NRROS: variants seen among roughly 807,000 people sequenced by gnomAD.
NRROS encodes the protein negative regulator of reactive oxygen species.
Under a neutral mutation model 12.0 loss-of-function variants are expected in NRROS, and 6 were observed. That is an observed-to-expected ratio of 0.50 (90% confidence interval 0.27 to 0.98). The LOEUF (loss-of-function observed/expected upper bound fraction) is 0.98. Ranked by LOEUF, NRROS falls within the 50% of genes least tolerant of loss-of-function variation. The pLI is 0.11. For missense variants in NRROS, 857 were observed against 888.2 expected, an observed-to-expected ratio of 0.96 and a Z score of 0.45; for synonymous variants, 462 against 410.2, an observed-to-expected ratio of 1.13 and a Z score of -1.53.
intron 1 of NRROS, among the ~76,000 whole-genome samples, chr3:196,646,212 C>T (rs984585937): frequency 1.3e-5 from 2 of 152,154 alleles, no homozygotes; most frequent in African/African-American, 4.8e-5. Context: ...GCCTCCTTCC[C>T]CAGCCCAGGG....
chr3:196,660,697 C>T lies in NRROS; in HGVS notation c.1054C>T (p.Pro352Ser), dbSNP rs753264421. The T allele has an allele frequency of 6.2e-7, 1 of 1,614,020 alleles. No homozygotes were observed. Among genetic ancestry groups the T allele is most frequent in the East Asian group, 2.2e-5 (1 of 44,900 alleles). ...GCCAGACGGCTTCCTGAGGAAAATG[C>T]CTTCCCTCTCCCACCTGAACCTCCA... ...YLPDGFLRKM[P>S]SLSHLNLHQN... The change falls in exon 3 of 3, where the codon CCT becomes TCT. Residue 352 changes from proline (P) to serine (S), a missense_variant. By Grantham distance (74) the Pro-to-Ser change is moderately conservative. Transcript: ENST00000328557. The surrounding 1 kb of genome is among the most constrained non-coding windows in gnomAD (Gnocchi z 7.7).
At chr3:196,650,811 G>A (rs551298263) in intron 1 of NRROS, among the ~76,000 whole-genome samples, 1 of 152,202 alleles carries the variant, frequency 6.6e-6, no homozygotes. Context: ...TGGCTATGGA[G>A]TAGACTCACA....
At chr3:196,659,712 T>C (rs774691004) in intron 2 of NRROS, 40 bp from the exon 3 acceptor site, 1 of 1,571,126 alleles carries the variant, frequency 6.4e-7, no homozygotes, top group Non-Finnish European at 8.6e-7. Flanking sequence ...TGCTTGCCTC[T>C]GGGCCTCCTC....
rs528500730 is a variant in NRROS, at chr3:196,655,785, C to T, written c.108+1138C>T. 2.0e-5 allele frequency among the ~76,000 whole-genome samples: 3 copies of T among 152,342 alleles called. No individual in the cohort carries two copies. In the South Asian group the frequency reaches 6.2e-4, roughly 32 times the overall value. ...CCCAAGCCTCCTCTAGGGCTTTCAG[C>T]CTAGATGTGAAAATAGACTTGGGTC... On this transcript the variant is annotated intron_variant, in intron 2 of 2. Transcript: ENST00000328557.
chr3:196,640,949 C>T (rs1225990480), intron 1 of NRROS, among the ~76,000 whole-genome samples: 1 of 152,176 alleles, frequency 6.6e-6, no homozygotes, highest in African/African-American at 2.4e-5. Context: ...TTCCTGTGTG[C>T]TCCTCACCTG....
Position 196,660,169 on chromosome 3 carries a change from G to A in NRROS, c.526G>A (p.Val176Ile), listed in dbSNP as rs753726007. 6.2e-6 allele frequency: 10 copies of A among 1,613,034 alleles called. No individual in the cohort carries two copies. The highest frequency in any genetic ancestry group is 8.5e-6 in the Non-Finnish European group (10 of 1,180,032). Residue 176 changes from valine to isoleucine, a missense_variant, in exon 3 of 3, where the codon GTC becomes ATC. Physicochemically the swap from Val to Ile is conservative, Grantham distance 29. Transcript: ENST00000328557. This position sits in a 1 kb window ranked among gnomAD's most constrained non-coding sequence, Gnocchi z 7.7. ...CACCATCATGCGGCTGGACGACTCCGTCTTCGAGGGCCTGGAGCGTCTCCG... is the reference window on the plus strand; with the variant it reads ...CACCATCATGCGGCTGGACGACTCCATCTTCGAGGGCCTGGAGCGTCTCCG... ...GNTIMRLDDSVFEGLERLREL... is the reference protein window; with the variant it reads ...GNTIMRLDDSIFEGLERLREL...
chr3:196,641,807 A>G (rs1737214759), intron 1 of NRROS, among the ~76,000 whole-genome samples: 1 of 152,174 alleles, frequency 6.6e-6, no homozygotes, highest in Non-Finnish European at 1.5e-5. Context: ...TCGTATGGAC[A>G]ATGACTGTCC....
chr3:196,648,235 G>T (rs1490547629), intron 1 of NRROS, among the ~76,000 whole-genome samples: 1 of 152,116 alleles, frequency 6.6e-6, no homozygotes, highest in Non-Finnish European at 1.5e-5. Flanking sequence ...GTAATATTTT[G>T]CTTTACTGTC....
rs1352350114 is a variant in NRROS, at chr3:196,661,844, A to G, written c.*122A>G. On this transcript the variant is annotated 3_prime_UTR_variant, in exon 3 of 3. Coordinates refer to ENST00000328557, the MANE Select transcript of NRROS (RefSeq NM_198565.3). ...ATTGAAGTTTCAATTAAAATTTAATATGTTTCCATTCCTCATCGCCCACCC... is the reference window on the plus strand; with the variant it reads ...ATTGAAGTTTCAATTAAAATTTAATGTGTTTCCATTCCTCATCGCCCACCC... The G allele has an allele frequency of 1.4e-5, 12 of 867,510 alleles. No homozygotes were observed. The African/African-American group carries it at 1.5e-4, about 11-fold the overall frequency. The allele number at this position is 867,510 out of a possible 1,614,324, so 53.7% of individuals were successfully genotyped here. A position where few individuals can be genotyped will look rare whatever the true frequency, so the allele number is the denominator to read the frequency against.
At chr3:196,655,815 C>G (rs188623139) in intron 2 of NRROS, among the ~76,000 whole-genome samples, 1 of 152,332 alleles carries the variant, frequency 6.6e-6, no homozygotes, top group African/African-American at 2.4e-5. Flanking sequence ...TGGGTCCAAA[C>G]TGAGAAATTT....
At chr3:196,655,968 C>T (rs1042377954) in intron 2 of NRROS, among the ~76,000 whole-genome samples, 1 of 152,114 alleles carries the variant, frequency 6.6e-6, no homozygotes, top group East Asian at 1.9e-4. Context: ...GTCAAGAGGT[C>T]GAGACCAGCC....
chr3:196,660,397 C>T lies in NRROS; in HGVS notation c.754C>T (p.Leu252=), dbSNP rs937409599. Residue 252 remains leucine (L), a synonymous_variant, in exon 3 of 3, where the codon CTG becomes TTG. Coordinates refer to ENST00000328557, the MANE Select transcript of NRROS (RefSeq NM_198565.3). This position sits in a 1 kb window ranked among gnomAD's most constrained non-coding sequence, Gnocchi z 7.7. ...LATGGEAAFE[L]ETLDLSHNQL... ...GACCGGGGGAGAGGCTGCCTTCGAG[C>T]TGGAGACGCTGGACCTGTCTCACAA... The T allele has an allele frequency of 1.2e-6, 2 of 1,613,812 alleles. No individual in the cohort carries two copies. The highest frequency in any genetic ancestry group is 1.7e-5 in the Admixed American group (1 of 60,002).
At chr3:196,649,955 G>T (rs1174659354) in intron 1 of NRROS, among the ~76,000 whole-genome samples, 1 of 152,188 alleles carries the variant, frequency 6.6e-6, no homozygotes, top group Non-Finnish European at 1.5e-5. Context: ...AGCTCTGGCA[G>T]CAGCTGCTCA....
At chr3:196,639,942 C>G (rs886085526) in intron 1 of NRROS, 67 bp downstream of exon 1, 1 of 152,370 alleles carries the variant, frequency 6.6e-6, no homozygotes, top group Non-Finnish European at 1.5e-5. Context: ...TGGGCGAGCT[C>G]GAGCGAGGTT....
chr3:196,651,283 C>T (rs7615838), intron 1 of NRROS, among the ~76,000 whole-genome samples: 1 of 152,168 alleles, frequency 6.6e-6, no homozygotes, highest in African/African-American at 2.4e-5. Flanking sequence ...CTTGGCCATT[C>T]TCACATGATT....
chr3:196,657,670 G>C (rs1203446799), intron 2 of NRROS, among the ~76,000 whole-genome samples: 1 of 148,704 alleles, frequency 6.7e-6, no homozygotes, highest in Non-Finnish European at 1.5e-5. Context: ...TGGCGCCATT[G>C]CACTCCAGCC....
chr3:196,651,381 G>C (rs911547960), intron 1 of NRROS, among the ~76,000 whole-genome samples: 1 of 152,174 alleles, frequency 6.6e-6, no homozygotes, highest in African/African-American at 2.4e-5. Context: ...GCAACACATG[G>C]TGGAAAAGGC....
chr3:196,646,233 T>A (rs1737308832), intron 1 of NRROS, among the ~76,000 whole-genome samples: 1 of 152,218 alleles, frequency 6.6e-6, no homozygotes, highest in Non-Finnish European at 1.5e-5. Flanking sequence ...TCCCTTCCTC[T>A]ACACAGGTCC....
intron 2 of NRROS, among the ~76,000 whole-genome samples, chr3:196,657,986 G>A (rs190913980): frequency 2.0e-5 from 3 of 152,236 alleles, no homozygotes; most frequent in South Asian, 2.1e-4. Flanking sequence ...CGAAAATGAC[G>A]AGTATAATTT....
Sources: allele counts gnomAD v4.1 joint callset (sites outside exome capture counted in the v4.1 genomes callset), GRCh38; gene constraint gnomAD v4.1.1; non-coding constraint Gnocchi (gnomAD v3.1); transcripts MANE v1.5; gene names NCBI Gene and HGNC (gene_info 2026-07-23, HGNC 2026-07-21).